ECH1: variants seen among roughly 807,000 people sequenced by gnomAD.
ECH1 encodes delta(3,5)-Delta(2,4)-dienoyl-CoA isomerase, mitochondrial.
A neutral mutation model predicts 37.0 loss-of-function variants in ECH1; 30 were observed. That is an observed-to-expected ratio of 0.81 (90% CI 0.61 to 1.10). The LOEUF (loss-of-function observed/expected upper bound fraction) is 1.10, where lower values mean the gene tolerates loss of function less well. Among genes scored for constraint, ECH1 ranks in the 50% least tolerant of loss-of-function variants. The probability of loss-of-function intolerance (pLI) is 0.00; values close to 1 mark genes in which losing one functional copy is unlikely to be tolerated. For synonymous variants in ECH1, 178 were observed against 176.0 expected, an observed-to-expected ratio of 1.01 and a Z score of -0.09; for missense variants, 456 against 441.6, an observed-to-expected ratio of 1.03 and a Z score of -0.29.
intron 3 of ECH1, among the ~76,000 whole-genome samples, chr19:38,829,403 A>G (rs1156477622): frequency 1.3e-5 from 2 of 152,024 alleles, no homozygotes; most frequent in East Asian, 3.9e-4. Context: ...AGATGTTGCA[A>G]TGAGCCAAAA....
chr19:38,816,395 C>CG, intron 7 of ECH1, 40 bp from the exon 8 acceptor site: 1 of 1,613,860 alleles, frequency 6.2e-7, no homozygotes, highest in Non-Finnish European at 8.5e-7. Flanking sequence ...GCTGCCACCC[C>CG]GGGGCTGGGA....
At position 38,816,305 on chromosome 19, in the gene ECH1, G is replaced by A. The variant is rs766995205; in HGVS notation, c.710C>T (p.Ala237Val). ...CTACCTGACCAGCCCACTGCCCAGGGCCTCGTCAGCCATCATCTTGCGGGC... is the reference window on the plus strand; with the variant it reads ...CTACCTGACCAGCCCACTGCCCAGGACCTCGTCAGCCATCATCTTGCGGGC... The part of the protein sequence containing the change: ...FTARKMMADE[A>V]LGSGLVSRVF... Residue 237 changes from alanine (A) to valine (V), a missense_variant, in exon 8 of 10, where the codon GCC (alanine) becomes GTC (valine). Transcript: ENST00000221418. The A allele has an allele frequency of 1.2e-6, 2 of 1,613,440 alleles. No individual in the cohort carries two copies. Among genetic ancestry groups the A allele is most frequent in the East Asian group, 2.2e-5 (1 of 44,870 alleles).
chr19:38,824,295 T>C (rs1388647804), intron 3 of ECH1, among the ~76,000 whole-genome samples: 1 of 152,162 alleles, frequency 6.6e-6, no homozygotes, highest in Admixed American at 6.5e-5. Flanking sequence ...TGGTCCTCCA[T>C]GTGGTCTGAG....
intron 6 of ECH1, 124 bp from the exon 7 acceptor site, chr19:38,816,647 C>T (rs564191908): frequency 1.7e-6 from 2 of 1,184,036 alleles, no homozygotes; most frequent in South Asian, 2.8e-5. Flanking sequence ...GTGACTTCCT[C>T]CAAAGTCCCA....
chr19:38,823,913 C>T (rs766244086), intron 3 of ECH1, among the ~76,000 whole-genome samples: 1 of 152,186 alleles, frequency 6.6e-6, no homozygotes, highest in Non-Finnish European at 1.5e-5. Flanking sequence ...AACTCTGTTA[C>T]ATTCTTTAGG....
chr19:38,822,356 T>C (rs1971676139), intron 3 of ECH1, among the ~76,000 whole-genome samples: 1 of 150,848 alleles, frequency 6.6e-6, no homozygotes, highest in Admixed American at 6.6e-5. Flanking sequence ...GGAGACTCTT[T>C]ATGTCTAGCT....
chr19:38,817,704 A>C, intron 3 of ECH1, 129 bp from the exon 4 acceptor site: 1 of 1,425,362 alleles, frequency 7.0e-7, no homozygotes, highest in Non-Finnish European at 9.2e-7. Context: ...AACAACTCAC[A>C]CAGGACTTGG....
intron 3 of ECH1, among the ~76,000 whole-genome samples, chr19:38,825,913 G>C (rs1011197113): frequency 3.3e-5 from 5 of 152,188 alleles, no homozygotes; most frequent in African/African-American, 9.7e-5. Context: ...CCCGGGGCAA[G>C]CGCCAGCTCA....
intron 8 of ECH1, 114 bp from the exon 9 acceptor site, chr19:38,816,121 G>A: frequency 6.6e-7 from 1 of 1,509,732 alleles, no homozygotes; most frequent in Non-Finnish European, 8.9e-7. Flanking sequence ...CAGAGAAACA[G>A]CCCAATCAGA....
chr19:38,821,874 G>A (rs796984952), intron 3 of ECH1, among the ~76,000 whole-genome samples: 9 of 152,264 alleles, frequency 5.9e-5, no homozygotes, highest in African/African-American at 9.6e-5. Context: ...AAGGGCTGAG[G>A]AGTGCTCCGC....
At chr19:38,825,744 A>G (rs1270819459) in intron 3 of ECH1, among the ~76,000 whole-genome samples, 1 of 152,212 alleles carries the variant, frequency 6.6e-6, no homozygotes, top group Non-Finnish European at 1.5e-5. Context: ...GCGGTTTACT[A>G]GGACACTTTA....
chr19:38,831,756 A>ACTATCCCCGCCG lies in ECH1; in HGVS notation c.5_16dup (p.Ala2_Ile5dup). 6.2e-7 allele frequency: 1 copy of ACTATCCCCGCCG among 1,613,036 alleles called. No homozygotes were observed. Among genetic ancestry groups the ACTATCCCCGCCG allele is most frequent in the Non-Finnish European group, 8.5e-7 (1 of 1,179,798 alleles). ...TAGGTCGCGGAGTCTGCGAGAAGCC[A>ACTATCCCCGCCG]CTATCCCCGCCGCCATCGCCGCCGC... On this transcript the variant is annotated inframe_insertion, in exon 1 of 10. Transcript: ENST00000221418.
At chr19:38,819,142 C>T (rs1327966125) in intron 3 of ECH1, 1 of 985,182 alleles carries the variant, frequency 1.0e-6, no homozygotes, top group African/African-American at 1.7e-5. Flanking sequence ...AATGGCAGGA[C>T]AGAGAGGTGA....
At chr19:38,820,051 TAC>T in intron 3 of ECH1, 20 of 448,966 alleles carry the variant, frequency 4.5e-5, no homozygotes, top group Non-Finnish European at 5.6e-5. Context: ...AAGTCCCCCT[TAC>T]TTTTTTTTTT....
chr19:38,831,360 A>C lies in ECH1; in HGVS notation c.209T>G (p.Val70Gly), dbSNP rs200423677. The part of the protein sequence containing the change: ...VTSAQKHVLH[V>G]QLNRPNKRNA... The stretch of plus-strand genomic sequence containing the variant: ...CCTCTTGTTGGGCCGGTTGAGCTGG[A>C]CATGCAGAACATGTTTCTGCGCAGA... The change falls in exon 2 of 10, where the codon GTC becomes GGC. Residue 70 changes from valine (V) to glycine (G), a missense_variant. Coordinates refer to ENST00000221418, the MANE Select transcript of ECH1 (RefSeq NM_001398.3). The C allele has an allele frequency of 3.7e-6, 6 of 1,613,780 alleles. No homozygotes were observed. Among genetic ancestry groups the C allele is most frequent in the Non-Finnish European group, 5.1e-6 (6 of 1,179,916 alleles).
In ECH1 at chr19:38,830,866, G is replaced by A. The variant is rs950047729; in HGVS notation, c.349+212C>T. On this transcript the variant is annotated intron_variant, in intron 3 of 9. Transcript: ENST00000221418. ...CCCACGCCTGTAGTCCCAGACAGAAGAATTGCTTGAACCCGGGAGGTGGAG... is the reference window on the plus strand; with the variant it reads ...CCCACGCCTGTAGTCCCAGACAGAAAAATTGCTTGAACCCGGGAGGTGGAG... The A allele has an allele frequency of 1.6e-5, 9 of 569,418 alleles. No homozygotes were observed. The East Asian group carries it at 2.7e-4, about 17-fold the overall frequency. 35.3% of individuals were successfully genotyped at this position (569,418 alleles called of 1,614,324 possible). A position where few individuals can be genotyped will look rare whatever the true frequency, so the allele number is the denominator to read the frequency against.
chr19:38,821,381 G>C (rs989167101), intron 3 of ECH1, among the ~76,000 whole-genome samples: 2 of 152,242 alleles, frequency 1.3e-5, no homozygotes, highest in Non-Finnish European at 2.9e-5. Flanking sequence ...GCTGGCCTCA[G>C]AGCCCACTCT....
rs970860420 is a variant in ECH1, at chr19:38,815,568, G to A, written c.*45C>T. On this transcript the variant is annotated 3_prime_UTR_variant, in exon 10 of 10. Coordinates refer to ENST00000221418, the MANE Select transcript of ECH1 (RefSeq NM_001398.3). ...CATCCTCCCTTTCTGTGGATGAGGC[G>A]GGACAAGGCCGGCCCCCTGGCTGGG... The A allele has an allele frequency of 8.2e-6, 13 of 1,581,300 alleles. No homozygotes were observed. The highest frequency in any genetic ancestry group is 2.2e-5 in the East Asian group (1 of 44,690).
chr19:38,817,012 C>T, intron 6 of ECH1, 53 bp downstream of exon 6: 2 of 1,546,926 alleles, frequency 1.3e-6, no homozygotes, highest in Non-Finnish European at 8.7e-7. Flanking sequence ...TCCAGGCCCC[C>T]CAACCTCACC....
Sources: allele counts gnomAD v4.1 joint callset (sites outside exome capture counted in the v4.1 genomes callset), GRCh38; gene constraint gnomAD v4.1.1; transcripts MANE v1.5; gene names NCBI Gene and HGNC (gene_info 2026-07-23, HGNC 2026-07-21).